Variants in TDRD1 observed in about 807,000 individuals in gnomAD.
The protein encoded by TDRD1 is tudor domain-containing protein 1.
TDRD1 carries 37 observed loss-of-function variants against 140.6 expected under a neutral mutation model. The observed-to-expected ratio is 0.26, with a 90% CI of 0.20 to 0.35. TDRD1 has a LOEUF of 0.35. Among genes scored for constraint, TDRD1 ranks in the 10% least tolerant of loss-of-function variants. TDRD1 has a pLI of 1.00. For synonymous variants in TDRD1, 506 were observed against 475.7 expected (o/e 1.06, Z -0.83); for missense variants, 1,243 against 1,393.0 (o/e 0.89, Z 1.71).
upstream of TDRD1, among the ~76,000 whole-genome samples, chr10:114,178,047 T>C (rs1452305578): frequency 6.6e-6 from 1 of 152,060 alleles, no homozygotes; most frequent in Non-Finnish European, 1.5e-5. Context: ...TTCACCATGT[T>C]GGCCAGGCTG....
chr10:114,179,262 A>G (rs1251912966), upstream of TDRD1: 1 of 152,388 alleles, frequency 6.6e-6, no homozygotes, highest in Non-Finnish European at 1.5e-5. Context: ...CGGAGTGCGC[A>G]GGCGTGCGCT....
In TDRD1 at chr10:114,214,034, G is replaced by A. The variant is rs774487353; in HGVS notation, c.2132G>A (p.Gly711Asp). The change falls in exon 16 of 26, where the codon GGT (glycine) becomes GAT (aspartate). Residue 711 changes from glycine (G) to aspartate (D), a missense_variant. Physicochemically the swap from Gly to Asp is moderately conservative, Grantham distance 94 (BLOSUM62 -1). This residue lies in a region of TDRD1 where 601 missense variants were observed against 734.7 expected (regional missense o/e 0.82). Transcript: ENST00000251864. ...TTGGAGTGGACATGGGTTGAACTTG[G>A]TGTTGACCAAACAGTAGATGTTGTG... 1.9e-5 allele frequency: 31 copies of A among 1,613,490 alleles called. No individual in the cohort carries two copies. In the South Asian group the frequency reaches 3.3e-4, roughly 17 times the overall value.
At chr10:114,223,526 G>A (rs1452821367) in intron 21 of TDRD1, among the ~76,000 whole-genome samples, 3 of 152,234 alleles carry the variant, frequency 2.0e-5, no homozygotes, top group African/African-American at 7.2e-5. Context: ...TTGTTGGGGA[G>A]CACAAGTTGG....
At chr10:114,223,249 AAGCATGGCTCCTGCC>A (rs1415299076) in intron 21 of TDRD1, among the ~76,000 whole-genome samples, 1 of 152,230 alleles carries the variant, frequency 6.6e-6, no homozygotes, top group Non-Finnish European at 1.5e-5. Flanking sequence ...ATTGGCAGGC[AAGCATGGCTCCTGCC>A]AGTCCCTGGG....
intron 1 of TDRD1, among the ~76,000 whole-genome samples, chr10:114,183,307 A>G (rs1195410039): frequency 3.9e-5 from 6 of 152,336 alleles, no homozygotes. Flanking sequence ...TATGGTTTAA[A>G]TATTGCTTTG....
intron 11 of TDRD1, 84 bp from the exon 12 acceptor site, chr10:114,210,497 T>C: frequency 7.3e-7 from 1 of 1,371,508 alleles, no homozygotes; most frequent in South Asian, 1.6e-5. Flanking sequence ...TCATATTCGT[T>C]TTAAAATGAT....
At chr10:114,203,252 C>T in intron 7 of TDRD1, 76 bp downstream of exon 7, 1 of 1,476,440 alleles carries the variant, frequency 6.8e-7, no homozygotes. Flanking sequence ...TTTTTGAGTT[C>T]ATGCGGTAGC....
At chr10:114,213,936 C>G in intron 15 of TDRD1, 41 bp from the exon 16 acceptor site, 2 of 1,609,636 alleles carry the variant, frequency 1.2e-6, no homozygotes, top group Non-Finnish European at 1.7e-6. Flanking sequence ...CGCTACATCC[C>G]TCCTCCACTA....
chr10:114,202,519 G>T (rs1004346189), intron 6 of TDRD1, among the ~76,000 whole-genome samples: 3 of 152,068 alleles, frequency 2.0e-5, no homozygotes, highest in Non-Finnish European at 4.4e-5. Flanking sequence ...AAATCATGTG[G>T]ATTAATCATG....
intron 16 of TDRD1, among the ~76,000 whole-genome samples, chr10:114,215,507 C>G (rs1210478369): frequency 6.6e-6 from 1 of 152,162 alleles, no homozygotes; most frequent in Non-Finnish European, 1.5e-5. Context: ...TCTAGTTGCT[C>G]CACATCCTCA....
chr10:114,202,418 T>C (rs1236988182), intron 6 of TDRD1, 120 bp downstream of exon 6: 3 of 630,002 alleles, frequency 4.8e-6, no homozygotes, highest in African/African-American at 1.9e-5. Flanking sequence ...TTTCCTATTA[T>C]ATAAATATGT....
intron 22 of TDRD1, 50 bp from the exon 23 acceptor site, chr10:114,227,022 T>A (rs2036476717): frequency 2.1e-6 from 2 of 960,400 alleles, no homozygotes; most frequent in Non-Finnish European, 1.6e-6. Flanking sequence ...TTTATCTAAA[T>A]TCTGTCTTTT....
chr10:114,227,737 G>A (rs550228199), intron 23 of TDRD1, among the ~76,000 whole-genome samples, 173 bp from the exon 24 acceptor site: 1 of 152,192 alleles, frequency 6.6e-6, no homozygotes, highest in Non-Finnish European at 1.5e-5. Flanking sequence ...TGTTAATGTG[G>A]TCAAATCCAG....
At chr10:114,219,572 ATTG>A (rs1248374962) in intron 18 of TDRD1, among the ~76,000 whole-genome samples, 3 of 149,362 alleles carry the variant, frequency 2.0e-5, no homozygotes, top group Non-Finnish European at 4.4e-5. Flanking sequence ...ATTTCAGATT[ATTG>A]TTCTTTTTTT....
intron 18 of TDRD1, 62 bp from the exon 19 acceptor site, chr10:114,220,506 C>T: frequency 2.4e-6 from 3 of 1,254,974 alleles, no homozygotes; most frequent in Non-Finnish European, 3.4e-6. Context: ...GTGCTGGGTA[C>T]TACTAAAGCA....
intron 16 of TDRD1, 31 bp downstream of exon 16, chr10:114,214,145 T>A (rs1335991578): frequency 5.0e-6 from 8 of 1,598,844 alleles, no homozygotes; most frequent in Non-Finnish European, 6.9e-6. Context: ...TGTTTCTTTT[T>A]ACAAATACAT....
chr10:114,231,493 ATC>A lies in TDRD1; in HGVS notation c.3550_3551del (p.Leu1184TrpfsTer3), dbSNP rs751189000. On this transcript the variant is annotated frameshift_variant, in exon 26 of 26. Coordinates refer to ENST00000251864, the Ensembl canonical transcript of TDRD1. LOFTEE classifies it high-confidence loss of function. ...ATTTTTTTTCTTTTTCAGAAACAGC[ATC>A]TCTTGGAGGTAAACCCTTATGAGAC... is the stretch of plus-strand genomic sequence containing the variant. 1 of 1,602,800 alleles carries A rather than the reference ATC, an allele frequency of 6.2e-7. No individual in the cohort carries two copies. Among genetic ancestry groups the A allele is most frequent in the African/African-American group, 1.3e-5 (1 of 74,274 alleles).
At position 114,221,467 on chromosome 10, in the gene TDRD1, G is replaced by A; in HGVS notation, c.2881G>A (p.Gly961Arg). Reference sequence around the variant, plus strand: ...AAACTTGTTTTATGCTCTACCAAAAGGGATGCCAGGTAAGAAACCAAAATT... The same window carrying A: ...AAACTTGTTTTATGCTCTACCAAAAAGGATGCCAGGTAAGAAACCAAAATT... Residue 961 changes from glycine (G) to arginine (R), a missense_variant, in exon 20 of 26, where the codon GGG (glycine) becomes AGG (arginine). Transcript: ENST00000251864. 3 of 1,611,980 alleles carry A rather than the reference G, an allele frequency of 1.9e-6. No individual in the cohort carries two copies. The South Asian group carries it at 3.3e-5, about 18-fold the overall frequency.
intron 5 of TDRD1, 150 bp downstream of exon 5, chr10:114,201,665 C>A: frequency 1.7e-6 from 1 of 578,468 alleles, no homozygotes; most frequent in South Asian, 2.5e-5. Context: ...GTGAACAGCT[C>A]TATGAACTTA....
Sources: gnomAD v4.1 joint callset for allele counts (sites outside exome capture counted in the v4.1 genomes callset) on GRCh38, gnomAD v4.1.1 for gene constraint, gnomAD v4.1.1 regional missense constraint, MANE v1.5 for transcripts, NCBI Gene and HGNC (gene_info 2026-07-23, HGNC 2026-07-21) for gene names.